EME2: variants seen among roughly 807,000 people sequenced by gnomAD.
EME2 encodes the protein essential meiotic structure-specific endonuclease subunit 2, also known as structure-specific endonuclease subunit EME2.
A neutral mutation model predicts 41.9 loss-of-function variants in EME2; 58 were observed. The ratio of observed to expected loss-of-function variants is 1.38; its 90% CI spans 1.12 to 1.72. EME2 has a LOEUF of 1.72. Among genes scored for constraint, EME2 ranks in the 40% most tolerant of loss-of-function variants. EME2 has a pLI of 0.00. For synonymous variants in EME2, 334 were observed against 239.3 expected, an observed-to-expected ratio of 1.40 and a Z score of -3.65; for missense variants, 695 against 541.9, an observed-to-expected ratio of 1.28 and a Z score of -2.81.
At chr16:1,774,915 G>C in intron 3 of EME2, 126 bp from the exon 4 acceptor site, 1 of 763,534 alleles carries the variant, frequency 1.3e-6, no homozygotes, top group Non-Finnish European at 2.2e-6. Flanking sequence ...ACGGAACAGA[G>C]GCTCCTCTCG....
rs1237552471 is a variant in EME2 at position 1,776,350 on chromosome 16, T to C, written c.*112T>C. Reference sequence around the variant, plus strand: ...GGACCCTCAGCCTGGGTGGGTTCTCTGGCTGAGCAGGTCTGACCTCAGGGG... The same window carrying C: ...GGACCCTCAGCCTGGGTGGGTTCTCCGGCTGAGCAGGTCTGACCTCAGGGG... On this transcript the variant is annotated 3_prime_UTR_variant, in exon 8 of 8. Transcript: ENST00000568449. The C allele has an allele frequency of 9.2e-7, 1 of 1,090,106 alleles. No individual in the cohort carries two copies. The highest frequency in any genetic ancestry group is 1.3e-6 in the Non-Finnish European group (1 of 747,116). The allele number at this position is 1,090,106 out of a possible 1,614,324, so 67.5% of individuals were successfully genotyped here. A position where few individuals can be genotyped will look rare whatever the true frequency, so the allele number is the denominator to read the frequency against.
In EME2 at chr16:1,781,192, C is replaced by A. The variant is rs933070221; in HGVS notation, c.*4954C>A. On this transcript the variant is annotated 3_prime_UTR_variant, in exon 8 of 8. Transcript: ENST00000568449. ...TCCTTTGCCAAATTAAAGAGTCTTA[C>A]TGAATGCGGTGCATCCAGGAGACAG... 6.5e-7 allele frequency: 1 copy of A among 1,546,500 alleles called. No individual in the cohort carries two copies. Among genetic ancestry groups the A allele is most frequent in the Non-Finnish European group, 8.7e-7 (1 of 1,152,558 alleles).
Position 1,774,312 on chromosome 16 carries a change from A to T in EME2, c.437A>T (p.Glu146Val). The change falls in exon 3 of 8, where the codon GAG (glutamate) becomes GTG (valine). Residue 146 changes from glutamate (E) to valine (V), a missense_variant. Glu to Val is a moderately radical substitution (Grantham distance 121). Coordinates refer to ENST00000568449, the MANE Select transcript of EME2 (RefSeq NM_001257370.2). ...GAACAGGAATTGCTGCTGCTGCTGG[A>T]GCCCGAGGAGTTTCTGCAGGGCGTC... is the stretch of plus-strand genomic sequence containing the variant. ...AGEQELLLLL[E>V]PEEFLQGVAT... 1 of 1,612,778 alleles carries T rather than the reference A, an allele frequency of 6.2e-7. No homozygotes were observed. Among genetic ancestry groups the T allele is most frequent in the Non-Finnish European group, 8.5e-7 (1 of 1,179,932 alleles).
chr16:1,776,172 C>A lies in EME2; in HGVS notation c.1074C>A (p.Leu358=), dbSNP rs1267697607. 6.2e-7 allele frequency: 1 copy of A among 1,612,594 alleles called. No individual in the cohort carries two copies. The highest frequency in any genetic ancestry group is 8.5e-7 in the Non-Finnish European group (1 of 1,179,974). The change falls in exon 8 of 8, where the codon CTC becomes CTA. Residue 358 remains leucine, a synonymous_variant. Coordinates refer to ENST00000568449, the MANE Select transcript of EME2 (RefSeq NM_001257370.2). Reference sequence around the variant, plus strand: ...GTCCCCGCAGGGTGGGGCCTGACCTCTCCCGCCGCATCTGCCTCTTCCTGA... The same window carrying A: ...GTCCCCGCAGGGTGGGGCCTGACCTATCCCGCCGCATCTGCCTCTTCCTGA... ...GGRPRRVGPD[L]SRRICLFLTT...
Position 1,778,118 on chromosome 16 carries a change from G to T in EME2, c.*1880G>T. 6.2e-7 allele frequency: 1 copy of T among 1,612,820 alleles called. No homozygotes were observed. Among genetic ancestry groups the T allele is most frequent in the Non-Finnish European group, 8.5e-7 (1 of 1,179,792 alleles). On this transcript the variant is annotated 3_prime_UTR_variant, in exon 8 of 8. Coordinates refer to ENST00000568449, the MANE Select transcript of EME2 (RefSeq NM_001257370.2). ...AGCCAGGTTCCCCAGAAGCACCCTG[G>T]GCCGAAGCAACTTACCATGTCGGTG... is the stretch of plus-strand genomic sequence containing the variant.
Position 1,778,857 on chromosome 16 carries a change from C to T in EME2, c.*2619C>T, listed in dbSNP as rs963236882. 77 of 425,428 alleles carry T rather than the reference C, an allele frequency of 1.8e-4. No individual in the cohort carries two copies. Among genetic ancestry groups the T allele is most frequent in the Middle Eastern group, 1.8e-3 (3 of 1,694 alleles). 26.4% of individuals were successfully genotyped at this position (425,428 alleles called of 1,614,324 possible). A position where few individuals can be genotyped will look rare whatever the true frequency, so the allele number is the denominator to read the frequency against. ...AGCCACAGAGCAGTAGCCAAGGCTG[C>T]CTGGCCTCCAAGTGGTTTCTAGACG... On this transcript the variant is annotated 3_prime_UTR_variant, in exon 8 of 8. Coordinates refer to ENST00000568449, the MANE Select transcript of EME2 (RefSeq NM_001257370.2).
At position 1,779,014 on chromosome 16, in the gene EME2, G is replaced by A. The variant is rs767368970; in HGVS notation, c.*2776G>A. The A allele has an allele frequency of 1.1e-5, 2 of 180,960 alleles. No individual in the cohort carries two copies. Among genetic ancestry groups the A allele is most frequent in the South Asian group, 1.4e-4 (1 of 6,964 alleles). 11.2% of individuals were successfully genotyped at this position (180,960 alleles called of 1,614,324 possible). On this transcript the variant is annotated 3_prime_UTR_variant, in exon 8 of 8. Coordinates refer to ENST00000568449, the MANE Select transcript of EME2 (RefSeq NM_001257370.2). ...ACACCAGGCCCAGCTGCAGCCACCC[G>A]GCCTCAGGGCAGTCCCCACCACACT... is the stretch of plus-strand genomic sequence containing the variant.
At position 1,781,223 on chromosome 16, in the gene EME2, G is replaced by A. The variant is rs1225757223; in HGVS notation, c.*4985G>A. 6.3e-7 allele frequency: 1 copy of A among 1,582,710 alleles called. No individual in the cohort carries two copies. The highest frequency in any genetic ancestry group is 8.5e-7 in the Non-Finnish European group (1 of 1,170,692). On this transcript the variant is annotated 3_prime_UTR_variant, in exon 8 of 8. Coordinates refer to ENST00000568449, the MANE Select transcript of EME2 (RefSeq NM_001257370.2). ...GCGGTGCATCCAGGAGACAGGCCCA[G>A]GTTTGGACTGGTCCTCTAGCCTCAG...
Position 1,777,525 on chromosome 16 carries a change from G to A in EME2, c.*1287G>A, listed in dbSNP as rs867955600. 3 of 1,398,424 alleles carry A rather than the reference G, an allele frequency of 2.1e-6. No homozygotes were observed. Among genetic ancestry groups the A allele is most frequent in the African/African-American group, 2.9e-5 (2 of 69,226 alleles). The allele number at this position is 1,398,424 out of a possible 1,614,324, so 86.6% of individuals were successfully genotyped here. On this transcript the variant is annotated 3_prime_UTR_variant, in exon 8 of 8. Coordinates refer to ENST00000568449, the MANE Select transcript of EME2 (RefSeq NM_001257370.2). ...GCAGCCCCTCAGACCTCACGCTACA[G>A]TCACCCGGGTGGGCAGCTGGCACAG...
Position 1,778,826 on chromosome 16 carries a change from A to T in EME2, c.*2588A>T. 4.1e-6 allele frequency: 2 copies of T among 491,978 alleles called. No homozygotes were observed. Among genetic ancestry groups the T allele is most frequent in the Non-Finnish European group, 7.0e-6 (2 of 286,004 alleles). The allele number at this position is 491,978 out of a possible 1,614,324, so 30.5% of individuals were successfully genotyped here. A position where few individuals can be genotyped will look rare whatever the true frequency, so the allele number is the denominator to read the frequency against. On this transcript the variant is annotated 3_prime_UTR_variant, in exon 8 of 8. Coordinates refer to ENST00000568449, the MANE Select transcript of EME2 (RefSeq NM_001257370.2). ...TTCTGCATGACCAGGAGGGCCCTGG[A>T]GGCCCAGCCACAGAGCAGTAGCCAA...
chr16:1,774,215 A>T, intron 2 of EME2, 45 bp from the exon 3 acceptor site: 1 of 1,533,934 alleles, frequency 6.5e-7, no homozygotes. Flanking sequence ...CCCCTGGGGC[A>T]CCCGGGGTTG....
In EME2 at chr16:1,778,665, A is replaced by C; in HGVS notation, c.*2427A>C. 6.7e-7 allele frequency: 1 copy of C among 1,502,046 alleles called. No individual in the cohort carries two copies. Among genetic ancestry groups the C allele is most frequent in the Non-Finnish European group, 8.9e-7 (1 of 1,129,384 alleles). The allele number at this position is 1,502,046 out of a possible 1,614,324, so 93.0% of individuals were successfully genotyped here. Reference sequence around the variant, plus strand: ...CCTGTTGCCCGCTCTCTACCCTCTCACCCTTGCCCTCTGTCCCTGTCCCAC... The same window carrying C: ...CCTGTTGCCCGCTCTCTACCCTCTCCCCCTTGCCCTCTGTCCCTGTCCCAC... On this transcript the variant is annotated 3_prime_UTR_variant, in exon 8 of 8. Coordinates refer to ENST00000568449, the MANE Select transcript of EME2 (RefSeq NM_001257370.2).
Position 1,778,383 on chromosome 16 carries a change from C to G in EME2, c.*2145C>G. 5 of 1,607,446 alleles carry G rather than the reference C, an allele frequency of 3.1e-6. No individual in the cohort carries two copies. The highest frequency in any genetic ancestry group is 1.1e-5 in the South Asian group (1 of 90,778). On this transcript the variant is annotated 3_prime_UTR_variant, in exon 8 of 8. Coordinates refer to ENST00000568449, the MANE Select transcript of EME2 (RefSeq NM_001257370.2). ...CTCCATGGGGCTCTGCCCTGCCCAC[C>G]CCCAGGCCCGCCCGCAGTGCAGTCC...
rs770373858 is a variant in EME2 at position 1,778,161 on chromosome 16, C to T, written c.*1923C>T. The T allele has an allele frequency of 1.2e-6, 2 of 1,612,734 alleles. No individual in the cohort carries two copies. The highest frequency in any genetic ancestry group is 2.2e-5 in the East Asian group (1 of 44,880). ...TGTCGGTGCCGTAGACGGGAGAGGT[C>T]ATCTTGATCTCCCAGAAGTGCTGGC... On this transcript the variant is annotated 3_prime_UTR_variant, in exon 8 of 8. Transcript: ENST00000568449.
rs755577931 is a variant in EME2, at chr16:1,774,997, C to T, written c.478-44C>T. On this transcript the variant is annotated intron_variant, in intron 3 of 7. Coordinates refer to ENST00000568449, the MANE Select transcript of EME2 (RefSeq NM_001257370.2). ...GGCCTGGTGGCCCATGGCCATAGGC[C>T]GCAGCCTCCTGTGAACAACTGTGCC... 31 of 1,525,284 alleles carry T rather than the reference C, an allele frequency of 2.0e-5. 1 individual carries two copies. Among genetic ancestry groups the T allele is most frequent in the African/African-American group, 4.1e-5 (3 of 73,386 alleles). The allele number at this position is 1,525,284 out of a possible 1,614,324, so 94.5% of individuals were successfully genotyped here.
At position 1,775,940 on chromosome 16, in the gene EME2, C is replaced by T. The variant is rs774399655; in HGVS notation, c.923C>T (p.Ala308Val). Residue 308 changes from alanine (A) to valine (V), a missense_variant, in exon 7 of 8, where the codon GCT becomes GTT. By Grantham distance (64) the Ala-to-Val change is moderately conservative. Coordinates refer to ENST00000568449, the MANE Select transcript of EME2 (RefSeq NM_001257370.2). ...RQFSRVSPAV[A>V]DAVVTAFPSP... ...TTCAGTCGGGTCAGCCCAGCCGTGG[C>T]TGATGCAGTTGTCACAGCCTTCCCC... 2.4e-5 allele frequency: 39 copies of T among 1,611,588 alleles called. No individual in the cohort carries two copies. The highest frequency in any genetic ancestry group is 3.0e-5 in the Non-Finnish European group (35 of 1,179,734).
At position 1,775,359 on chromosome 16, in the gene EME2, C is replaced by G. The variant is rs750260632; in HGVS notation, c.614C>G (p.Pro205Arg). 2.4e-5 allele frequency: 38 copies of G among 1,611,544 alleles called. No individual in the cohort carries two copies. The Admixed American group carries it at 5.2e-4, about 22-fold the overall frequency. Residue 205 changes from proline to arginine, a missense_variant, in exon 5 of 8, where the codon CCG (proline) becomes CGG (arginine). Transcript: ENST00000568449. Reference sequence around the variant, plus strand: ...CGGGGGACACAGCAGCCAGAGAGCCCGAAGGTGGCCGGTGCCGAGGTGGCC... The same window carrying G: ...CGGGGGACACAGCAGCCAGAGAGCCGGAAGGTGGCCGGTGCCGAGGTGGCC... ...VSRGTQQPES[P>R]KVAGAEVAVS...
rs749719177 is a variant in EME2, at chr16:1,781,426, G to C, written c.*5188G>C. On this transcript the variant is annotated 3_prime_UTR_variant, in exon 8 of 8. Transcript: ENST00000568449. ...GCCACGGCCCGGGCATCTGCGTCTC[G>C]GCGGGCTGCACTCAGGACGAAGTGC... 6.7e-5 allele frequency: 108 copies of C among 1,612,676 alleles called. No homozygotes were observed. The highest frequency in any genetic ancestry group is 8.7e-5 in the Non-Finnish European group (103 of 1,179,994).
Position 1,777,490 on chromosome 16 carries a change from G to A in EME2, c.*1252G>A, listed in dbSNP as rs1437701045. On this transcript the variant is annotated 3_prime_UTR_variant, in exon 8 of 8. Transcript: ENST00000568449. ...TGAACCCCAGGCAGGGAAGGGGCCA[G>A]CTACTGGGCGCAGCCCCTCAGACCT... is the stretch of plus-strand genomic sequence containing the variant. 3.5e-6 allele frequency: 5 copies of A among 1,446,578 alleles called. No homozygotes were observed. The Admixed American group carries it at 7.4e-5, about 21-fold the overall frequency. 89.6% of individuals were successfully genotyped at this position (1,446,578 alleles called of 1,614,324 possible).
Sources: allele counts gnomAD v4.1 joint callset, GRCh38; gene constraint gnomAD v4.1.1; transcripts MANE v1.5; gene names NCBI Gene and HGNC (gene_info 2026-07-23, HGNC 2026-07-21).